ZBTB38: variants seen among roughly 807,000 people sequenced by gnomAD.
ZBTB38 encodes zinc finger and BTB domain containing 38, also known as zinc finger and BTB domain-containing protein 38.
ZBTB38 carries 20 observed loss-of-function variants against 76.8 expected under a neutral mutation model. The observed-to-expected ratio is 0.26, with a 90% CI of 0.18 to 0.38. The LOEUF (loss-of-function observed/expected upper bound fraction) is 0.38, where lower values mean the gene tolerates loss of function less well. Ranked by LOEUF, ZBTB38 falls within the 10% of genes least tolerant of loss-of-function variation. The pLI, the probability that ZBTB38 is intolerant of heterozygous loss-of-function variation, is 1.00. For synonymous variants in ZBTB38, 504 were observed against 544.2 expected (o/e 0.93, Z 1.03); for missense variants, 1,082 against 1,482.3 (o/e 0.73, Z 4.43).
intron 5 of ZBTB38, among the ~76,000 whole-genome samples, chr3:141,424,520 T>TA (rs1208000651): frequency 1.3e-5 from 2 of 151,738 alleles, no homozygotes; most frequent in African/African-American, 2.4e-5. Flanking sequence ...ACCCTGTCAG[T>TA]AAAAAAAATA....
At chr3:141,342,390 C>T (rs1171279615) in intron 1 of ZBTB38, among the ~76,000 whole-genome samples, 1 of 66,698 alleles carries the variant, frequency 1.5e-5, no homozygotes, top group African/African-American at 1.7e-4. Flanking sequence ...GAGACTCTGT[C>T]TCAAAAAAAA....
intron 1 of ZBTB38, among the ~76,000 whole-genome samples, chr3:141,340,128 A>G (rs1214497457): frequency 6.6e-6 from 1 of 152,226 alleles, no homozygotes; most frequent in Non-Finnish European, 1.5e-5. Context: ...ATGACCAAGT[A>G]CAAATTCCAA....
intron 1 of ZBTB38, among the ~76,000 whole-genome samples, chr3:141,360,598 A>T (rs1377193083): frequency 2.0e-5 from 3 of 152,190 alleles, no homozygotes; most frequent in Non-Finnish European, 4.4e-5. Flanking sequence ...AGTAAGGAAC[A>T]AAAAGAGAGT....
intron 5 of ZBTB38, among the ~76,000 whole-genome samples, chr3:141,440,384 CTAAA>C (rs2079854001): frequency 1.3e-5 from 2 of 152,138 alleles, no homozygotes; most frequent in South Asian, 4.1e-4. Flanking sequence ...ATAAAGGACA[CTAAA>C]TAACATAATA....
At chr3:141,387,023 G>A (rs1947296004) in intron 4 of ZBTB38, 86 bp downstream of exon 4, 1 of 152,740 alleles carries the variant, frequency 6.5e-6, no homozygotes, top group Non-Finnish European at 1.5e-5. Context: ...AAGATGGCAG[G>A]CAGGATTAGC....
chr3:141,335,867 C>T (rs1052798420), intron 1 of ZBTB38, among the ~76,000 whole-genome samples: 12 of 152,198 alleles, frequency 7.9e-5, no homozygotes, highest in Admixed American at 7.2e-4. Flanking sequence ...ATGTCTCATC[C>T]TCTACTACAC....
chr3:141,432,892 A>G (rs543961140), intron 5 of ZBTB38, among the ~76,000 whole-genome samples: 68 of 152,364 alleles, frequency 4.5e-4, no homozygotes, highest in African/African-American at 1.6e-3. Context: ...ACTGTGATCA[A>G]GCTAACCTTT....
intron 3 of ZBTB38, chr3:141,383,546 C>G (rs1010717319): frequency 6.6e-6 from 1 of 152,176 alleles, no homozygotes; most frequent in Non-Finnish European, 1.5e-5. Flanking sequence ...ACCAAGTATT[C>G]CTCTGGGACT....
In ZBTB38 at chr3:141,445,157, A is replaced by AC; in HGVS notation, c.2772dup (p.Lys925GlnfsTer27). ...CGTGGCGCCCTTACTACAACTACAA[A>AC]CCCAAAAAGAAATCCAGACAGTTGA... is the stretch of plus-strand genomic sequence containing the variant. On this transcript the variant is annotated frameshift_variant, in exon 6 of 6. Transcript: ENST00000321464. LOFTEE classifies it high-confidence loss of function. The surrounding 1 kb of genome is among the most constrained non-coding windows in gnomAD (Gnocchi z 6.5). 1 of 1,613,992 alleles carries AC rather than the reference A, an allele frequency of 6.2e-7. No individual in the cohort carries two copies. The highest frequency in any genetic ancestry group is 8.5e-7 in the Non-Finnish European group (1 of 1,179,994).
At chr3:141,356,149 G>C (rs1943656354) in intron 1 of ZBTB38, among the ~76,000 whole-genome samples, 1 of 152,068 alleles carries the variant, frequency 6.6e-6, no homozygotes, top group Non-Finnish European at 1.5e-5. Context: ...AAATCTCAAA[G>C]GGCAGTTCTG....
chr3:141,345,971 G>A lies in ZBTB38; in HGVS notation c.-739+21515G>A, dbSNP rs532315139. On this transcript the variant is annotated intron_variant, in intron 1 of 7. Coordinates refer to the ZBTB38 transcript ENST00000509842. ...TGAGTGGAAGGCAATGTCTGTTCCC[G>A]GCAGGGCTTCGGGGGCAGTTTCTGG... Among the ~76,000 whole-genome samples, 9 of 152,270 alleles carry A rather than the reference G, an allele frequency of 5.9e-5. No homozygotes were observed. In the South Asian group the frequency reaches 1.2e-3, roughly 21 times the overall value.
At chr3:141,367,145 T>A (rs1944000101), upstream of ZBTB38, 1 of 152,318 alleles carries the variant, frequency 6.6e-6, no homozygotes, top group South Asian at 2.1e-4. Context: ...TCTTTGAGAG[T>A]GCCGTCATGT....
Position 141,443,381 on chromosome 3 carries a change from G to A in ZBTB38, c.993G>A (p.Gly331=). The A allele has an allele frequency of 6.2e-7, 1 of 1,614,174 alleles. No individual in the cohort carries two copies. The highest frequency in any genetic ancestry group is 8.5e-7 in the Non-Finnish European group (1 of 1,180,034). ...EDENQSSDVP[G]PPAAEVPPLV... is the part of the protein sequence containing the mutation. ...AAAATCAATCTTCTGATGTTCCCGG[G>A]CCGCCAGCCGCAGAGGTTCCACCTC... Residue 331 remains glycine, a synonymous_variant, in exon 6 of 6, where the codon GGG becomes GGA. Transcript: ENST00000321464. The surrounding 1 kb of genome is among the most constrained non-coding windows in gnomAD (Gnocchi z 5.6).
At chr3:141,409,048 T>A (rs1339367544) in intron 5 of ZBTB38, among the ~76,000 whole-genome samples, 2 of 152,142 alleles carry the variant, frequency 1.3e-5, no homozygotes, top group Non-Finnish European at 2.9e-5. Flanking sequence ...TATTTTTTTT[T>A]AATTATTATT....
At chr3:141,412,959 T>G (rs1340690572) in intron 5 of ZBTB38, among the ~76,000 whole-genome samples, 16 of 152,222 alleles carry the variant, frequency 1.1e-4, no homozygotes. Context: ...CTGCGTCTCC[T>G]GAGCCTATGA....
intron 5 of ZBTB38, among the ~76,000 whole-genome samples, chr3:141,437,527 G>A (rs942953854): frequency 6.6e-6 from 1 of 152,164 alleles, no homozygotes; most frequent in Non-Finnish European, 1.5e-5. Context: ...TCAGCCCTTA[G>A]AACGGTTCTG....
At chr3:141,436,037 C>T (rs2078701639) in intron 5 of ZBTB38, among the ~76,000 whole-genome samples, 1 of 152,122 alleles carries the variant, frequency 6.6e-6, no homozygotes, top group African/African-American at 2.4e-5. Context: ...CATCTTCTTT[C>T]TAACTTATAT....
Position 141,341,654 on chromosome 3 carries a change from AAAG to A in ZBTB38, c.-739+17203_-739+17205del, listed in dbSNP as rs535141213. 1.1e-4 allele frequency among the ~76,000 whole-genome samples: 17 copies of A among 152,344 alleles called. No individual in the cohort carries two copies. The East Asian group carries it at 2.7e-3, about 24-fold the overall frequency. ...ATGGTCAGGAGTAGAAGATTAAGAG[AAAG>A]AAGAGTTAATATTATGGAAACCAAG... On this transcript the variant is annotated intron_variant, in intron 1 of 7. Transcript: ENST00000509842.
chr3:141,383,404 G>T (rs1432653780), intron 3 of ZBTB38, among the ~76,000 whole-genome samples: 1 of 151,970 alleles, frequency 6.6e-6, no homozygotes, highest in Non-Finnish European at 1.5e-5. Flanking sequence ...ATTTCAATTG[G>T]AATAGCCTAA....
Sources: allele counts gnomAD v4.1 joint callset (sites outside exome capture counted in the v4.1 genomes callset), GRCh38; gene constraint gnomAD v4.1.1; non-coding constraint Gnocchi (gnomAD v3.1); transcripts MANE v1.5; gene names NCBI Gene and HGNC (gene_info 2026-07-23, HGNC 2026-07-21).